Variants in NOS2 observed in about 807,000 individuals in gnomAD.
The protein encoded by NOS2 is nitric oxide synthase 2, also known as nitric oxide synthase, inducible.
Under a neutral mutation model 136.0 loss-of-function variants are expected in NOS2, and 96 were observed. That is an observed-to-expected ratio of 0.71 (90% CI 0.60 to 0.84). The LOEUF (loss-of-function observed/expected upper bound fraction) is 0.84, where lower values mean the gene tolerates loss of function less well. Among genes scored for constraint, NOS2 ranks in the 40% least tolerant of loss-of-function variants. The pLI is 0.00. For synonymous variants in NOS2, 539 were observed against 587.5 expected (o/e 0.92, Z 1.20); for missense variants, 1,237 against 1,496.9 (o/e 0.83, Z 2.87).
intron 25 of NOS2, among the ~76,000 whole-genome samples, chr17:27,759,756 G>A (rs554541316): frequency 3.9e-5 from 6 of 152,286 alleles, no homozygotes; most frequent in East Asian, 1.9e-4. Context: ...GGGCAGTCGC[G>A]TGTCCCAGGG....
intron 11 of NOS2, among the ~76,000 whole-genome samples, chr17:27,775,876 C>T (rs2151329700): frequency 6.6e-6 from 1 of 152,366 alleles, no homozygotes; most frequent in Non-Finnish European, 1.5e-5. Flanking sequence ...ATATTAGCTG[C>T]TCTTATAATC....
chr17:27,758,710 A>T (rs191067900), intron 26 of NOS2, among the ~76,000 whole-genome samples, 171 bp downstream of exon 26: 4 of 152,316 alleles, frequency 2.6e-5, no homozygotes, highest in Admixed American at 2.0e-4. Flanking sequence ...GATGTGCAGT[A>T]AGGCCATCTG....
Position 27,769,046 on chromosome 17 carries a change from C to T in NOS2, c.1965G>A (p.Pro655=), listed in dbSNP as rs1480553542. ...LSHLGASQLT[P]MGEGDELSGQ... Reference sequence around the variant, plus strand: ...CACTGAGCTCATCCCCTTCTCCCATCGGGGTGAGCTGAGAGGCCCCCAGGT... The same window carrying T: ...CACTGAGCTCATCCCCTTCTCCCATTGGGGTGAGCTGAGAGGCCCCCAGGT... The change falls in exon 17 of 27, where the codon CCG becomes CCA. Residue 655 remains proline (P), a synonymous_variant. Coordinates refer to ENST00000313735, the MANE Select transcript of NOS2 (RefSeq NM_000625.4). 5 of 1,612,592 alleles carry T rather than the reference C, an allele frequency of 3.1e-6. No homozygotes were observed. The highest frequency in any genetic ancestry group is 4.2e-6 in the Non-Finnish European group (5 of 1,179,538).
rs1275518168 is a variant in NOS2 at position 27,760,193 on chromosome 17, G to A, written c.3011-15C>T. Reference sequence around the variant, plus strand: ...TCCCCGCACTCCTGCAGGAGTCCCGGGCTGTTGTTACCATGTTGGCCACCA... The same window carrying A: ...TCCCCGCACTCCTGCAGGAGTCCCGAGCTGTTGTTACCATGTTGGCCACCA... On this transcript the variant is annotated splice_polypyrimidine_tract_variant and intron_variant, in intron 24 of 26. Coordinates refer to ENST00000313735, the MANE Select transcript of NOS2 (RefSeq NM_000625.4). 1.3e-6 allele frequency: 2 copies of A among 1,537,940 alleles called. No individual in the cohort carries two copies. The highest frequency in any genetic ancestry group is 2.8e-5 in the African/African-American group (2 of 72,256).
At chr17:27,775,714 G>A (rs188452669) in intron 11 of NOS2, among the ~76,000 whole-genome samples, 62 of 152,298 alleles carry the variant, frequency 4.1e-4, no homozygotes, top group Middle Eastern at 3.4e-3. Flanking sequence ...AGCCCAGGAG[G>A]TCAAGGCTGC....
chr17:27,769,719 G>A, intron 15 of NOS2, 135 bp from the exon 16 acceptor site: 1 of 729,516 alleles, frequency 1.4e-6, no homozygotes, highest in Middle Eastern at 2.4e-4. Context: ...TTACATATGG[G>A]GCTACCTGGC....
intron 2 of NOS2, among the ~76,000 whole-genome samples, chr17:27,795,759 G>A (rs914988258): frequency 6.6e-6 from 1 of 152,202 alleles, no homozygotes; most frequent in Non-Finnish European, 1.5e-5. Context: ...ATGAATTGAT[G>A]TGTGATATTT....
intron 2 of NOS2, among the ~76,000 whole-genome samples, chr17:27,792,753 C>T (rs1328842467): frequency 7.7e-6 from 1 of 129,324 alleles, no homozygotes. Context: ...CCGAGGTGGG[C>T]GGATCACTCG....
At chr17:27,760,570 G>A (rs1352764563) in intron 24 of NOS2, 53 bp downstream of exon 24, 3 of 1,550,340 alleles carry the variant, frequency 1.9e-6, no homozygotes, top group Non-Finnish European at 8.7e-7. Flanking sequence ...TCTGCTCCTA[G>A]GCAGGCGCTG....
At chr17:27,799,002 GC>G in intron 1 of NOS2, 120 bp from the exon 2 acceptor site, 1 of 593,942 alleles carries the variant, frequency 1.7e-6, no homozygotes, top group Non-Finnish European at 3.0e-6. Context: ...CTTCATCAAT[GC>G]TTTGCAACCT....
At chr17:27,768,349 C>A (rs188777117) in intron 17 of NOS2, among the ~76,000 whole-genome samples, 1 of 152,272 alleles carries the variant, frequency 6.6e-6, no homozygotes, top group East Asian at 1.9e-4. Context: ...CTGTGCCCGA[C>A]CACTATGAAT....
chr17:27,767,576 C>T, intron 18 of NOS2, 129 bp downstream of exon 18: 1 of 1,076,118 alleles, frequency 9.3e-7, no homozygotes. Context: ...CAGGCTCTTG[C>T]ATGCAGTGAG....
rs1215902530 is a variant in NOS2, at chr17:27,778,806, T to A, written c.1180-15A>T. The A allele has an allele frequency of 1.2e-6, 2 of 1,613,618 alleles. No individual in the cohort carries two copies. Among genetic ancestry groups the A allele is most frequent in the African/African-American group, 2.7e-5 (2 of 74,892 alleles). On this transcript the variant is annotated splice_polypyrimidine_tract_variant and intron_variant, in intron 10 of 26. Transcript: ENST00000313735. ...CTGCCCACTTCCTACAGAGGCAGAG[T>A]GATAGCGGCGAGTCGGTCCCTGAAG...
At position 27,779,026 on chromosome 17, in the gene NOS2, CT is replaced by C; in HGVS notation, c.1034del (p.Lys345SerfsTer87). ...KYEWFRELEL[K>X]WYALPAVANM... is the part of the protein sequence containing the mutation. Reference sequence around the variant, plus strand: ...TGGCCACTGCAGGCAGGGCGTACCACTTTAGCTCCAGTTCCCGAAACCACTC... The same window carrying C: ...TGGCCACTGCAGGCAGGGCGTACCACTTAGCTCCAGTTCCCGAAACCACTC... On this transcript the variant is annotated frameshift_variant, in exon 10 of 27. Coordinates refer to ENST00000313735, the MANE Select transcript of NOS2 (RefSeq NM_000625.4). LOFTEE classifies it high-confidence loss of function. 2 of 1,564,240 alleles carry C rather than the reference CT, an allele frequency of 1.3e-6. No homozygotes were observed. The highest frequency in any genetic ancestry group is 1.7e-6 in the Non-Finnish European group (2 of 1,152,760).
chr17:27,757,888 G>A (rs926547727), intron 26 of NOS2, among the ~76,000 whole-genome samples: 1 of 152,088 alleles, frequency 6.6e-6, no homozygotes, highest in Non-Finnish European at 1.5e-5. Flanking sequence ...CCCACCCCCG[G>A]GGCCTTTGTA....
rs1373465375 is a variant in NOS2 at position 27,759,941 on chromosome 17, G to T, written c.3159+89C>A. Reference sequence around the variant, plus strand: ...GCATTTTCGAGCTCAGGAGGTGAAGGCTCGGGGAGGCGAGGGGCCTGTGGG... The same window carrying T: ...GCATTTTCGAGCTCAGGAGGTGAAGTCTCGGGGAGGCGAGGGGCCTGTGGG... On this transcript the variant is annotated intron_variant, in intron 25 of 26. Transcript: ENST00000313735. 8.3e-6 allele frequency: 11 copies of T among 1,327,736 alleles called. No homozygotes were observed. The Admixed American group carries it at 1.6e-4, about 19-fold the overall frequency. The allele number at this position is 1,327,736 out of a possible 1,614,324, so 82.2% of individuals were successfully genotyped here.
chr17:27,792,974 G>A (rs1235903779), intron 2 of NOS2, among the ~76,000 whole-genome samples: 1 of 152,054 alleles, frequency 6.6e-6, no homozygotes, highest in African/African-American at 2.4e-5. Context: ...GACAGAGTGA[G>A]ACCCTATCAA....
At position 27,765,667 on chromosome 17, in the gene NOS2, T is replaced by A. The variant is rs756210003; in HGVS notation, c.2296A>T (p.Asn766Tyr). The A allele has an allele frequency of 1.9e-6, 3 of 1,613,290 alleles. No homozygotes were observed. Among genetic ancestry groups the A allele is most frequent in the Non-Finnish European group, 2.5e-6 (3 of 1,179,964 alleles). ...ELSCEDGQGLNYLPGEHLGVC... is the reference protein window; with the variant it reads ...ELSCEDGQGLYYLPGEHLGVC... Reference sequence around the variant, plus strand: ...CCAAGGTGCTCCCCCGGCAGGTAGTTCAGGCCTTGGCCATCCTCACAGGAG... The same window carrying A: ...CCAAGGTGCTCCCCCGGCAGGTAGTACAGGCCTTGGCCATCCTCACAGGAG... The change falls in exon 20 of 27, where the codon AAC (asparagine) becomes TAC (tyrosine). Residue 766 changes from asparagine (N) to tyrosine (Y), a missense_variant. Physicochemically the swap from Asn to Tyr is moderately radical, Grantham distance 143. Coordinates refer to ENST00000313735, the MANE Select transcript of NOS2 (RefSeq NM_000625.4).
chr17:27,799,843 CAGGAAGGAA>C lies in NOS2; in HGVS notation c.-74+487_-74+495del, dbSNP rs1223316333. Among the ~76,000 whole-genome samples, 3 of 149,222 alleles carry C rather than the reference CAGGAAGGAA, an allele frequency of 2.0e-5. No homozygotes were observed. In the South Asian group the frequency reaches 6.4e-4, roughly 32 times the overall value. ...GAAGGGAGGGGAAGGGAGGAAAGGA[CAGGAAGGAA>C]AGGAAGGAAAGAGGGAAAGAAAGAA... On this transcript the variant is annotated intron_variant, in intron 1 of 26. Coordinates refer to ENST00000313735, the MANE Select transcript of NOS2 (RefSeq NM_000625.4).
Sources: gnomAD v4.1 joint callset for allele counts (sites outside exome capture counted in the v4.1 genomes callset) on GRCh38, gnomAD v4.1.1 for gene constraint, MANE v1.5 for transcripts, NCBI Gene and HGNC (gene_info 2026-07-23, HGNC 2026-07-21) for gene names.